Variants in KIAA0825 observed in about 807,000 individuals in gnomAD.
The protein encoded by KIAA0825 is KIAA0825.
In KIAA0825, 119 loss-of-function variants were observed where a neutral mutation model predicts 147.6. The ratio of observed to expected loss-of-function variants is 0.81; its 90% confidence interval spans 0.69 to 0.94. The LOEUF is 0.94. Among genes scored for constraint, KIAA0825 ranks in the 40% least tolerant of loss-of-function variants. The probability of loss-of-function intolerance (pLI) is 0.00; values close to 1 mark genes in which losing one functional copy is unlikely to be tolerated. For synonymous variants in KIAA0825, 470 were observed against 518.1 expected (o/e 0.91, Z 1.26); for missense variants, 1,381 against 1,472.7 (o/e 0.94, Z 1.02).
chr5:94,193,468 T>G (rs1479085300), intron 20 of KIAA0825, among the ~76,000 whole-genome samples: 1 of 152,234 alleles, frequency 6.6e-6, no homozygotes, highest in Non-Finnish European at 1.5e-5. Flanking sequence ...CAGCCAAGGT[T>G]ACACAGCTAG....
At chr5:94,420,724 C>CT (rs1754075203) in intron 14 of KIAA0825, among the ~76,000 whole-genome samples, 1 of 150,774 alleles carries the variant, frequency 6.6e-6, no homozygotes. Flanking sequence ...TGTTTTAATA[C>CT]TAAAGAGGGA....
chr5:94,233,178 A>G (rs533108305), intron 20 of KIAA0825, among the ~76,000 whole-genome samples: 1 of 152,370 alleles, frequency 6.6e-6, no homozygotes, highest in South Asian at 2.1e-4. Context: ...TTAGCATGTT[A>G]TAATTACTCT....
chr5:94,514,911 G>A (rs1051855414), intron 5 of KIAA0825, among the ~76,000 whole-genome samples: 1 of 152,034 alleles, frequency 6.6e-6, no homozygotes, highest in African/African-American at 2.4e-5. Context: ...TGAAAAAAAA[G>A]GTGTCTTAGA....
intron 5 of KIAA0825, among the ~76,000 whole-genome samples, chr5:94,511,178 C>T (rs970788059): frequency 2.0e-5 from 3 of 152,150 alleles, no homozygotes; most frequent in Non-Finnish European, 4.4e-5. Flanking sequence ...TTAATTCTAC[C>T]GGTGCCTTGA....
At chr5:94,291,853 A>G (rs377013926) in intron 20 of KIAA0825, among the ~76,000 whole-genome samples, 22 of 151,594 alleles carry the variant, frequency 1.5e-4, no homozygotes, top group African/African-American at 5.1e-4. Context: ...TTTCCTAGCT[A>G]TTTTGTTCTT....
chr5:94,386,499 AT>A (rs1481827875), intron 18 of KIAA0825, 95 bp from the exon 19 acceptor site: 2 of 997,208 alleles, frequency 2.0e-6, no homozygotes, highest in Non-Finnish European at 2.9e-6. Context: ...CTTTCAGCAC[AT>A]TTGCTAGATT....
intron 20 of KIAA0825, among the ~76,000 whole-genome samples, chr5:94,181,099 T>C (rs1193595970): frequency 1.3e-5 from 2 of 152,230 alleles, no homozygotes; most frequent in South Asian, 2.1e-4. Context: ...TAACAGCTGC[T>C]GAGCAGAAGT....
At chr5:94,212,634 G>C (rs1373117789) in intron 20 of KIAA0825, among the ~76,000 whole-genome samples, 1 of 152,202 alleles carries the variant, frequency 6.6e-6, no homozygotes, top group South Asian at 2.1e-4. Context: ...GAGGAATACA[G>C]AGTGGCCCAA....
At chr5:94,504,405 A>T (rs1765462474) in intron 5 of KIAA0825, among the ~76,000 whole-genome samples, 1 of 152,208 alleles carries the variant, frequency 6.6e-6, no homozygotes, top group Non-Finnish European at 1.5e-5. Context: ...CAGTTTTATC[A>T]AAGTGAAACT....
Position 94,471,435 on chromosome 5 carries a change from T to C in KIAA0825, c.1721+31A>G, listed in dbSNP as rs772144354. 4 of 1,544,574 alleles carry C rather than the reference T, an allele frequency of 2.6e-6. No homozygotes were observed. The South Asian group carries it at 4.8e-5, about 19-fold the overall frequency. On this transcript the variant is annotated intron_variant, in intron 9 of 20. Transcript: ENST00000682413. ...CAAAGATTACACGTTTCTTTAAGCG[T>C]GGCCATCATCTTAATTTAAACAACA...
intron 14 of KIAA0825, among the ~76,000 whole-genome samples, chr5:94,431,037 G>C (rs1036110640): frequency 1.3e-5 from 2 of 152,150 alleles, no homozygotes; most frequent in African/African-American, 4.8e-5. Flanking sequence ...GTATGCTTAC[G>C]TGGAAGGGGA....
chr5:94,454,283 G>T (rs1051741242), intron 12 of KIAA0825, among the ~76,000 whole-genome samples: 2 of 152,116 alleles, frequency 1.3e-5, no homozygotes, highest in Non-Finnish European at 2.9e-5. Flanking sequence ...TACAGTACAG[G>T]AGCAATAGTG....
At chr5:94,201,150 C>CT (rs1452763095) in intron 20 of KIAA0825, among the ~76,000 whole-genome samples, 1 of 150,242 alleles carries the variant, frequency 6.7e-6, no homozygotes, top group East Asian at 1.9e-4. Flanking sequence ...GCTTGAGACT[C>CT]TGAGAGTGAC....
chr5:94,496,791 G>C (rs1449647558), intron 5 of KIAA0825, among the ~76,000 whole-genome samples: 1 of 152,136 alleles, frequency 6.6e-6, no homozygotes, highest in Non-Finnish European at 1.5e-5. Context: ...CCTGAATTTT[G>C]GGTTAAATGG....
At chr5:94,237,643 G>A (rs1457000139) in intron 20 of KIAA0825, among the ~76,000 whole-genome samples, 1 of 152,002 alleles carries the variant, frequency 6.6e-6, no homozygotes, top group Non-Finnish European at 1.5e-5. Flanking sequence ...TTTACCACAG[G>A]CTCTTTGATG....
At chr5:94,594,706 T>C in intron 1 of KIAA0825, 1 of 633,668 alleles carries the variant, frequency 1.6e-6, no homozygotes, top group East Asian at 3.5e-5. Context: ...ATTCCTTGGT[T>C]TGAATGGAAC....
chr5:94,379,823 T>C (rs932464426), intron 20 of KIAA0825, among the ~76,000 whole-genome samples: 2 of 151,206 alleles, frequency 1.3e-5, no homozygotes, highest in African/African-American at 2.4e-5. Flanking sequence ...CCTGGTTAGC[T>C]GTATTCCTAG....
Position 94,391,702 on chromosome 5 carries a change from C to T in KIAA0825, c.3297-8G>A, listed in dbSNP as rs1448788727. 1.3e-6 allele frequency: 2 copies of T among 1,523,364 alleles called. No homozygotes were observed. The highest frequency in any genetic ancestry group is 2.5e-5 in the South Asian group (2 of 79,052). The allele number at this position is 1,523,364 out of a possible 1,614,324, so 94.4% of individuals were successfully genotyped here. A position where few individuals can be genotyped will look rare whatever the true frequency, so the allele number is the denominator to read the frequency against. ...TCTATTGTCATAAATGCACTAAATA[C>T]AAAGAAAGCATATACATATCAGTAG... On this transcript the variant is annotated splice_region_variant and splice_polypyrimidine_tract_variant and intron_variant, in intron 17 of 20. Transcript: ENST00000682413.
intron 1 of KIAA0825, among the ~76,000 whole-genome samples, chr5:94,610,764 C>CAAAA (rs756579848): frequency 9.6e-5 from 2 of 20,834 alleles, no homozygotes; most frequent in Non-Finnish European, 9.1e-5. Context: ...ACTCTATCTG[C>CAAAA]AAAAAAAAAA....
Sources: allele counts gnomAD v4.1 joint callset (sites outside exome capture counted in the v4.1 genomes callset), GRCh38; gene constraint gnomAD v4.1.1; transcripts MANE v1.5; gene names NCBI Gene and HGNC (gene_info 2026-07-23, HGNC 2026-07-21).